Variants in INPP5A observed in about 807,000 individuals in gnomAD.
The protein encoded by INPP5A is 43 kDa inositol polyphosphate 5-phophatase.
In INPP5A, 14 loss-of-function variants were observed where a neutral mutation model predicts 65.2. The ratio of observed to expected loss-of-function variants is 0.21; its 90% CI spans 0.14 to 0.34. The LOEUF (loss-of-function observed/expected upper bound fraction) is 0.34. INPP5A is among the 10% of genes least tolerant of loss of function. The probability of loss-of-function intolerance (pLI) is 1.00; values close to 1 mark genes in which losing one functional copy is unlikely to be tolerated. For synonymous variants in INPP5A, 207 were observed against 208.3 expected (o/e 0.99, Z 0.05); for missense variants, 431 against 545.6 (o/e 0.79, Z 2.09).
At chr10:132,726,399 C>T (rs962295504) in intron 8 of INPP5A, among the ~76,000 whole-genome samples, 3 of 152,188 alleles carry the variant, frequency 2.0e-5, no homozygotes, top group Non-Finnish European at 4.4e-5. Context: ...CCGTCTGTCT[C>T]CCTCCCGCCT....
rs1034334546 is a variant in INPP5A at position 132,782,481 on chromosome 10, C to A, written c.*452C>A. 1.4e-5 allele frequency: 3 copies of A among 209,366 alleles called. No homozygotes were observed. Among genetic ancestry groups the A allele is most frequent in the Non-Finnish European group, 2.9e-5 (3 of 101,970 alleles). The allele number at this position is 209,366 out of a possible 1,614,324, so 13.0% of individuals were successfully genotyped here. A position where few individuals can be genotyped will look rare whatever the true frequency, so the allele number is the denominator to read the frequency against. ...GGGCACTCCCTCTGCCGGCCGGCAG[C>A]GTGGCCCTGAGCATGGCAAGGGGGT... On this transcript the variant is annotated 3_prime_UTR_variant, in exon 16 of 16. Transcript: ENST00000368594. The surrounding 1 kb of genome is among the most constrained non-coding windows in gnomAD (Gnocchi z 4.4).
intron 1 of INPP5A, among the ~76,000 whole-genome samples, chr10:132,542,001 A>G (rs1334083127): frequency 6.6e-6 from 1 of 152,248 alleles, no homozygotes; most frequent in African/African-American, 2.4e-5. Flanking sequence ...TTTTGCTTTG[A>G]TGTGGCTGGT....
chr10:132,663,873 G>A lies in INPP5A; in HGVS notation c.306+13368G>A, dbSNP rs965178393. Reference sequence around the variant, plus strand: ...CCCCCTGTCGCCGGGTGGGAAATCCGTAACAGGCTCTGTGGCAAAGGCTGG... The same window carrying A: ...CCCCCTGTCGCCGGGTGGGAAATCCATAACAGGCTCTGTGGCAAAGGCTGG... On this transcript the variant is annotated intron_variant, in intron 4 of 15. Transcript: ENST00000368594. The surrounding 1 kb of genome is among the most constrained non-coding windows in gnomAD (Gnocchi z 4.5). Among the ~76,000 whole-genome samples the A allele has an allele frequency of 1.3e-5, 2 of 152,218 alleles. No homozygotes were observed. The highest frequency in any genetic ancestry group is 6.5e-5 in the Admixed American group (1 of 15,280).
chr10:132,630,240 ACGTCCATGAGGGGAAGG>A (rs1181924135), intron 2 of INPP5A, among the ~76,000 whole-genome samples: 3 of 148,496 alleles, frequency 2.0e-5, no homozygotes, highest in Non-Finnish European at 4.5e-5. Context: ...TGAGGGGAAG[ACGTCCATGAGGGGAAGG>A]CGTCCATGAG....
At chr10:132,655,464 A>G (rs2072643380) in intron 4 of INPP5A, among the ~76,000 whole-genome samples, 1 of 152,262 alleles carries the variant, frequency 6.6e-6, no homozygotes, top group Admixed American at 6.5e-5. Context: ...CCAACAGCAC[A>G]GAAATCCCGT....
Position 132,538,001 on chromosome 10 carries a change from C to CGCCCCGCG in INPP5A, c.-87_-80dup. The CGCCCCGCG allele has an allele frequency of 2.1e-6, 1 of 476,356 alleles. No homozygotes were observed. The highest frequency in any genetic ancestry group is 8.2e-5 in the South Asian group (1 of 12,154). 29.5% of individuals were successfully genotyped at this position (476,356 alleles called of 1,614,324 possible). A position where few individuals can be genotyped will look rare whatever the true frequency, so the allele number is the denominator to read the frequency against. ...CGGGGCCGCCCCCCGGCGCAGCTGA[C>CGCCCCGCG]GCCCCGCGGCCCCGCGAAGACCCCG... is the stretch of plus-strand genomic sequence containing the variant. On this transcript the variant is annotated 5_prime_UTR_variant, in exon 1 of 16. Transcript: ENST00000368594. This position sits in a 1 kb window ranked among gnomAD's most constrained non-coding sequence, Gnocchi z 4.1.
chr10:132,667,280 A>G (rs2072817444), intron 4 of INPP5A, among the ~76,000 whole-genome samples: 1 of 152,198 alleles, frequency 6.6e-6, no homozygotes, highest in South Asian at 2.1e-4. Context: ...CAACCATCAT[A>G]ATTATTTAAA....
chr10:132,729,629 A>C lies in INPP5A; in HGVS notation c.732+2724A>C, dbSNP rs144897480. ...GTACCCCGTCCTCCGTGTTCGTGTT[A>C]GGCTGTCGCTAAAGGAGCCCTCGTC... On this transcript the variant is annotated intron_variant, in intron 9 of 15. Coordinates refer to ENST00000368594, the MANE Select transcript of INPP5A (RefSeq NM_005539.5). 3.0e-3 allele frequency among the ~76,000 whole-genome samples: 460 copies of C among 152,270 alleles called. 1 individual carries two copies. Among genetic ancestry groups the C allele is most frequent in the Non-Finnish European group, 5.6e-3 (380 of 68,010 alleles).
rs369605494 is a variant in INPP5A at position 132,782,248 on chromosome 10, TG to T, written c.*221del. The T allele has an allele frequency of 9.6e-4, 434 of 450,204 alleles. No individual in the cohort carries two copies. Among genetic ancestry groups the T allele is most frequent in the South Asian group, 6.4e-3 (299 of 46,786 alleles). 27.9% of individuals were successfully genotyped at this position (450,204 alleles called of 1,614,324 possible). A position where few individuals can be genotyped will look rare whatever the true frequency, so the allele number is the denominator to read the frequency against. On this transcript the variant is annotated 3_prime_UTR_variant, in exon 16 of 16. Transcript: ENST00000368594. The surrounding 1 kb of genome is among the most constrained non-coding windows in gnomAD (Gnocchi z 4.4). Reference sequence around the variant, plus strand: ...TCTATGTGACATTAAGTAGAAATATTGGTTTTTTTTTTTTTTTTTTAAATAA... The same window carrying T: ...TCTATGTGACATTAAGTAGAAATATTGTTTTTTTTTTTTTTTTTTAAATAA...
chr10:132,755,628 G>A (rs753131567), intron 11 of INPP5A, among the ~76,000 whole-genome samples: 1 of 152,066 alleles, frequency 6.6e-6, no homozygotes, highest in Non-Finnish European at 1.5e-5. Context: ...GTGTGTGTGT[G>A]TGTGAGCAGG....
At position 132,740,953 on chromosome 10, in the gene INPP5A, G is replaced by A. The variant is rs1274046105; in HGVS notation, c.733-8564G>A. 2.0e-5 allele frequency among the ~76,000 whole-genome samples: 3 copies of A among 152,312 alleles called. No homozygotes were observed. The East Asian group carries it at 5.8e-4, about 29-fold the overall frequency. Reference sequence around the variant, plus strand: ...ACCTACAAAGAAAGGGGAAGGCCAGGGACAGTGCCTCACACCTGCCTTCCC... The same window carrying A: ...ACCTACAAAGAAAGGGGAAGGCCAGAGACAGTGCCTCACACCTGCCTTCCC... On this transcript the variant is annotated intron_variant, in intron 9 of 15. Transcript: ENST00000368594.
intron 2 of INPP5A, among the ~76,000 whole-genome samples, chr10:132,630,781 G>A (rs1189601249): frequency 1.3e-5 from 2 of 150,890 alleles, no homozygotes; most frequent in Non-Finnish European, 2.9e-5. Flanking sequence ...CCTGTGCGGT[G>A]GTGGGGGCCG....
At chr10:132,625,664 T>C (rs1207316483) in intron 2 of INPP5A, among the ~76,000 whole-genome samples, 1 of 152,092 alleles carries the variant, frequency 6.6e-6, no homozygotes, top group Non-Finnish European at 1.5e-5. Context: ...TCCTGAGGCT[T>C]CCTGACCAAG....
chr10:132,720,356 G>T (rs895919239), intron 8 of INPP5A, among the ~76,000 whole-genome samples: 1 of 144,160 alleles, frequency 6.9e-6, no homozygotes, highest in Non-Finnish European at 1.5e-5. Flanking sequence ...CTGTCTTCAG[G>T]GTTCTGTGGT....
chr10:132,633,873 G>T (rs530804603), intron 2 of INPP5A, among the ~76,000 whole-genome samples: 1 of 152,316 alleles, frequency 6.6e-6, no homozygotes, highest in Non-Finnish European at 1.5e-5. Flanking sequence ...TATAAACATG[G>T]AGAGAATCCT....
intron 1 of INPP5A, among the ~76,000 whole-genome samples, chr10:132,566,754 T>C (rs1302571270): frequency 6.6e-6 from 1 of 152,244 alleles, no homozygotes; most frequent in Non-Finnish European, 1.5e-5. Context: ...AATCAGGCAT[T>C]TCCACTAGTG....
At chr10:132,599,380 C>A (rs2071748271) in intron 1 of INPP5A, among the ~76,000 whole-genome samples, 1 of 152,226 alleles carries the variant, frequency 6.6e-6, no homozygotes. Flanking sequence ...TTTTAAAGCT[C>A]CAAAATGATC....
At chr10:132,600,680 A>G (rs901163552) in intron 1 of INPP5A, among the ~76,000 whole-genome samples, 1 of 152,218 alleles carries the variant, frequency 6.6e-6, no homozygotes, top group Non-Finnish European at 1.5e-5. Flanking sequence ...CATACCTGAG[A>G]CTGGGAAGAA....
chr10:132,761,596 G>T (rs1846734312), intron 11 of INPP5A, among the ~76,000 whole-genome samples: 1 of 152,124 alleles, frequency 6.6e-6, no homozygotes, highest in Non-Finnish European at 1.5e-5. Flanking sequence ...CGGAGCCTGG[G>T]GGTGCCATGC....
Sources: allele counts gnomAD v4.1 joint callset (sites outside exome capture counted in the v4.1 genomes callset), GRCh38; gene constraint gnomAD v4.1.1; non-coding constraint Gnocchi (gnomAD v3.1); transcripts MANE v1.5; gene names NCBI Gene and HGNC (gene_info 2026-07-23, HGNC 2026-07-21).